The following PI4KA variants were observed in gnomAD, a reference collection of about 807,000 sequenced individuals.
PI4KA encodes PI4-kinase alpha.
PI4KA carries 122 observed loss-of-function variants against 271.4 expected under a neutral mutation model. That is an observed-to-expected ratio of 0.45 (90% CI 0.39 to 0.52). The LOEUF is 0.52. Ranked by LOEUF, PI4KA falls within the 20% of genes least tolerant of loss-of-function variation. The pLI is 0.00. For synonymous variants in PI4KA, 1,041 were observed against 1,078.8 expected, an observed-to-expected ratio of 0.96 and a Z score of 0.69; for missense variants, 1,969 against 2,769.1, an observed-to-expected ratio of 0.71 and a Z score of 6.48.
chr22:20,844,799 T>C lies in PI4KA; in HGVS notation c.157-6068A>G, dbSNP rs1275133988. ...ACAACAGCTCATTAGGTAGCTATTA[T>C]TAATCATCCCCCTTTTACATATGAT... is the stretch of plus-strand genomic sequence containing the variant. On this transcript the variant is annotated intron_variant, in intron 1 of 54. Transcript: ENST00000255882. Among the ~76,000 whole-genome samples, 4 of 152,216 alleles carry C rather than the reference T, an allele frequency of 2.6e-5. No homozygotes were observed. In the East Asian group the frequency reaches 7.7e-4, roughly 29 times the overall value.
chr22:20,750,651 C>T (rs369537557), intron 27 of PI4KA, among the ~76,000 whole-genome samples: 2 of 152,194 alleles, frequency 1.3e-5, no homozygotes, highest in Non-Finnish European at 1.5e-5. Context: ...GCAGGCTCTG[C>T]GTGGCAAAAT....
Position 20,821,940 on chromosome 22 carries a change from CAGG to C in PI4KA, c.457-1332_457-1330del, listed in dbSNP as rs1372201776. Among the ~76,000 whole-genome samples, 4 of 152,178 alleles carry C rather than the reference CAGG, an allele frequency of 2.6e-5. No homozygotes were observed. In the East Asian group the frequency reaches 7.7e-4, roughly 29 times the overall value. On this transcript the variant is annotated intron_variant, in intron 4 of 54. Coordinates refer to ENST00000255882, the MANE Select transcript of PI4KA (RefSeq NM_058004.4). Reference sequence around the variant, plus strand: ...CTGAAGCGGGTGGATCAGTTGAGCTCAGGAGTTCAGACCTGCCTGGGCAAAGTA... The same window carrying C: ...CTGAAGCGGGTGGATCAGTTGAGCTCAGTTCAGACCTGCCTGGGCAAAGTA...
intron 23 of PI4KA, among the ~76,000 whole-genome samples, chr22:20,759,713 A>G (rs1053958474): frequency 6.6e-6 from 1 of 151,752 alleles, no homozygotes. Context: ...CTACAGGCGC[A>G]GGCCACCACG....
At chr22:20,720,713 G>A (rs538939356) in intron 43 of PI4KA, among the ~76,000 whole-genome samples, 1 of 152,250 alleles carries the variant, frequency 6.6e-6, no homozygotes, top group Non-Finnish European at 1.5e-5. Context: ...ACGAGAATGA[G>A]AATCCAGCCG....
At chr22:20,802,219 A>G (rs1389163314) in intron 13 of PI4KA, 114 bp from the exon 14 acceptor site, 1 of 827,530 alleles carries the variant, frequency 1.2e-6, no homozygotes, top group Non-Finnish European at 1.9e-6. Context: ...CAAAATGATC[A>G]CTCTAAAAAC....
chr22:20,807,678 G>C (rs991480097), intron 9 of PI4KA, among the ~76,000 whole-genome samples: 1 of 152,138 alleles, frequency 6.6e-6, no homozygotes, highest in Non-Finnish European at 1.5e-5. Context: ...AGATGCCTGC[G>C]GGGGAGCAGC....
intron 42 of PI4KA, chr22:20,725,473 T>C (rs1022824118): frequency 7.2e-5 from 31 of 431,370 alleles, no homozygotes; most frequent in African/African-American, 6.3e-4. Context: ...ATAGAGATGA[T>C]TAAGGTAAAA....
intron 1 of PI4KA, among the ~76,000 whole-genome samples, chr22:20,840,334 G>C (rs1376555846): frequency 1.3e-5 from 2 of 152,190 alleles, no homozygotes; most frequent in Non-Finnish European, 2.9e-5. Context: ...AAAAGAAGAA[G>C]CAAGGAGGCC....
chr22:20,758,627 CA>C (rs1366194930), intron 23 of PI4KA, among the ~76,000 whole-genome samples: 5 of 151,998 alleles, frequency 3.3e-5, no homozygotes, highest in Admixed American at 2.6e-4. Flanking sequence ...TGGACAAATG[CA>C]AGGTGGACGG....
Position 20,810,825 on chromosome 22 carries a change from G to A in PI4KA, c.1071+142C>T, listed in dbSNP as rs575269935. On this transcript the variant is annotated intron_variant, in intron 9 of 54. Transcript: ENST00000255882. ...CCACAGACCAAGCCCTCCGCGGCAGGTGGATTGTTACCACATGAACAAGGA... is the reference window on the plus strand; with the variant it reads ...CCACAGACCAAGCCCTCCGCGGCAGATGGATTGTTACCACATGAACAAGGA... 71 of 712,482 alleles carry A rather than the reference G, an allele frequency of 1.0e-4. No homozygotes were observed. In the African/African-American group the frequency reaches 1.1e-3, roughly 11 times the overall value. 44.1% of individuals were successfully genotyped at this position (712,482 alleles called of 1,614,324 possible).
chr22:20,747,553 G>A, intron 29 of PI4KA, 30 bp downstream of exon 29: 2 of 1,611,782 alleles, frequency 1.2e-6, no homozygotes, highest in Non-Finnish European at 1.7e-6. Context: ...GGTCTAAGGG[G>A]TCACTGCTCT....
At chr22:20,739,301 T>C (rs1373595590) in intron 32 of PI4KA, among the ~76,000 whole-genome samples, 2 of 148,026 alleles carry the variant, frequency 1.4e-5, no homozygotes, top group South Asian at 2.1e-4. Flanking sequence ...ATCGGGCCAC[T>C]GCACTCCAGC....
rs898882269 is a variant in PI4KA, at chr22:20,764,992, C to A, written c.2575-42G>T. On this transcript the variant is annotated intron_variant, in intron 21 of 54. Coordinates refer to ENST00000255882, the MANE Select transcript of PI4KA (RefSeq NM_058004.4). The stretch of plus-strand genomic sequence containing the variant: ...ATCCGAGGGCTCATGGGGCATCCCC[C>A]AGGACAAACAGGTCCCAGTGGCTGG... The A allele has an allele frequency of 3.8e-6, 6 of 1,585,364 alleles. No individual in the cohort carries two copies. The African/African-American group carries it at 8.1e-5, about 21-fold the overall frequency.
At chr22:20,778,591 G>C (rs188596872) in intron 19 of PI4KA, among the ~76,000 whole-genome samples, 1 of 152,296 alleles carries the variant, frequency 6.6e-6, no homozygotes. Context: ...CAAATTTCAA[G>C]TATCTTTAGA....
At chr22:20,778,633 T>A (rs749590860) in intron 19 of PI4KA, among the ~76,000 whole-genome samples, 2 of 152,170 alleles carry the variant, frequency 1.3e-5, no homozygotes, top group Non-Finnish European at 2.9e-5. Context: ...CCCATGGACA[T>A]TTTTCAACAG....
chr22:20,737,218 G>T (rs550874231), intron 32 of PI4KA, among the ~76,000 whole-genome samples: 36 of 152,290 alleles, frequency 2.4e-4, no homozygotes, highest in African/African-American at 8.4e-4. Context: ...GCTCAAGAAG[G>T]TCCCTTTATT....
In PI4KA at chr22:20,712,682, A is replaced by T. The variant is rs1209742106; in HGVS notation, c.5676+11T>A. 1 of 1,554,006 alleles carries T rather than the reference A, an allele frequency of 6.4e-7. No individual in the cohort carries two copies. The highest frequency in any genetic ancestry group is 1.4e-5 in the African/African-American group (1 of 72,688). On this transcript the variant is annotated intron_variant, in intron 49 of 54. Transcript: ENST00000255882. Reference sequence around the variant, plus strand: ...CAGGGCTGCCCTACTGGCTCCACTCAGGGAACTTACCCCAGGGGCAGTGGC... The same window carrying T: ...CAGGGCTGCCCTACTGGCTCCACTCTGGGAACTTACCCCAGGGGCAGTGGC...
At chr22:20,730,234 TTATTA>T (rs1182502782) in intron 36 of PI4KA, among the ~76,000 whole-genome samples, 3 of 152,104 alleles carry the variant, frequency 2.0e-5, no homozygotes, top group African/African-American at 7.2e-5. Flanking sequence ...TTAAACATTT[TTATTA>T]TATTTCTTTT....
At chr22:20,838,090 C>T (rs1171746172) in intron 2 of PI4KA, among the ~76,000 whole-genome samples, 3 of 149,232 alleles carry the variant, frequency 2.0e-5, no homozygotes, top group Non-Finnish European at 4.4e-5. Flanking sequence ...CACTGCACTC[C>T]AGCCTGGGTG....
Sources: allele counts gnomAD v4.1 joint callset (sites outside exome capture counted in the v4.1 genomes callset), GRCh38; gene constraint gnomAD v4.1.1; transcripts MANE v1.5; gene names NCBI Gene and HGNC (gene_info 2026-07-23, HGNC 2026-07-21).